NSUN2: variants seen among roughly 807,000 people sequenced by gnomAD.
NSUN2 encodes RNA cytosine C(5)-methyltransferase NSUN2.
Under a neutral mutation model 92.7 loss-of-function variants are expected in NSUN2, and 63 were observed. The observed-to-expected ratio is 0.68, with a 90% CI of 0.56 to 0.84. NSUN2 has a LOEUF of 0.84. NSUN2 is among the 40% of genes least tolerant of loss of function. The pLI is 0.00. For missense variants in NSUN2, 989 were observed against 964.9 expected, an observed-to-expected ratio of 1.02 and a Z score of -0.33; for synonymous variants, 356 against 348.3, an observed-to-expected ratio of 1.02 and a Z score of -0.25.
At chr5:6,602,903 T>C (rs139691272) in intron 17 of NSUN2, among the ~76,000 whole-genome samples, 16 of 152,354 alleles carry the variant, frequency 1.1e-4, no homozygotes, top group South Asian at 2.1e-4. Flanking sequence ...ATCATCTAAG[T>C]GCAGGATTAA....
chr5:6,625,633 A>T lies in NSUN2; in HGVS notation c.396T>A (p.Ser132Arg). 1.2e-6 allele frequency: 2 copies of T among 1,614,216 alleles called. No homozygotes were observed. The highest frequency in any genetic ancestry group is 1.7e-6 in the Non-Finnish European group (2 of 1,180,022). Reference protein sequence around the residue: ...PEELAWHTNLSRKILRKSPHL... With the variant: ...PEELAWHTNLRRKILRKSPHL... Reference sequence around the variant, plus strand: ...GTGGCGATTTTCTCAAGATTTTTCGACTTAAATTTGTGTGCCAGGCAAGTT... The same window carrying T: ...GTGGCGATTTTCTCAAGATTTTTCGTCTTAAATTTGTGTGCCAGGCAAGTT... The change falls in exon 4 of 19, where the codon AGT (serine) becomes AGA (arginine). Residue 132 changes from serine to arginine, a missense_variant. Transcript: ENST00000264670.
At chr5:6,607,816 G>C (rs1253025283) in intron 12 of NSUN2, among the ~76,000 whole-genome samples, 1 of 152,034 alleles carries the variant, frequency 6.6e-6, no homozygotes, top group Non-Finnish European at 1.5e-5. Flanking sequence ...ATTGTTCTTG[G>C]GCACCTGGAC....
intron 12 of NSUN2, 152 bp downstream of exon 12, chr5:6,609,674 T>C: frequency 1.6e-6 from 1 of 608,354 alleles, no homozygotes; most frequent in Non-Finnish European, 2.9e-6. Context: ...ACTTGATATT[T>C]AAATGAAATT....
intron 17 of NSUN2, among the ~76,000 whole-genome samples, chr5:6,603,275 CAAT>C (rs1437885764): frequency 6.6e-6 from 1 of 152,182 alleles, no homozygotes; most frequent in Non-Finnish European, 1.5e-5. Context: ...GCAATATGAC[CAAT>C]AATCTACTCC....
intron 14 of NSUN2, among the ~76,000 whole-genome samples, chr5:6,606,163 T>A (rs377610530): frequency 2.6e-5 from 4 of 152,242 alleles, no homozygotes; most frequent in Non-Finnish European, 5.9e-5. Context: ...CCCTCACCCA[T>A]GCTGCTCTTC....
chr5:6,610,836 C>G, intron 11 of NSUN2, 119 bp downstream of exon 11: 3 of 1,257,532 alleles, frequency 2.4e-6, no homozygotes, highest in Non-Finnish European at 3.3e-6. Context: ...CTGGCATAAC[C>G]CAAGCCTCAC....
At position 6,632,702 on chromosome 5, in the gene NSUN2, A is replaced by T. The variant is rs1293190085; in HGVS notation, c.151T>A (p.Tyr51Asn). ...IVKENKLFEH[Y>N]YQELKIVPEG... ...GGCACGATCTTGAGCTCCTGGTAGT[A>T]GTGCTCGAACAGCTTGTTCTCCTTG... The change falls in exon 2 of 19, where the codon TAC (tyrosine) becomes AAC (asparagine). Residue 51 changes from tyrosine to asparagine, a missense_variant. By Grantham distance (143) the Tyr-to-Asn change is moderately radical. Around this residue, in one of 3 missense-constraint regions of NSUN2, gnomAD observed 356 missense variants for 338.6 expected, o/e 1.05. Coordinates refer to ENST00000264670, the MANE Select transcript of NSUN2 (RefSeq NM_017755.6). The T allele has an allele frequency of 6.2e-7, 1 of 1,614,102 alleles. No individual in the cohort carries two copies. The highest frequency in any genetic ancestry group is 2.2e-5 in the East Asian group (1 of 44,848).
chr5:6,624,284 C>G (rs1737567893), intron 4 of NSUN2, among the ~76,000 whole-genome samples: 1 of 152,206 alleles, frequency 6.6e-6, no homozygotes, highest in Admixed American at 6.5e-5. Flanking sequence ...GACATCCCGG[C>G]AGACAGTAAC....
Position 6,605,359 on chromosome 5 carries a change from G to A in NSUN2, c.1651C>T (p.Arg551Trp), listed in dbSNP as rs756554610. The part of the protein sequence containing the change: ...PSFPRMNLLT[R>W]TTEGKKRQLY... ...TGCCTTTTCTTCCCTTCTGTAGTCC[G>A]AGTTAACAAATTCATCCTTGGGAAT... Residue 551 changes from arginine to tryptophan, a missense_variant, in exon 15 of 19, where the codon CGG (arginine) becomes TGG (tryptophan). Physicochemically the swap from Arg to Trp is moderately radical, Grantham distance 101. Coordinates refer to ENST00000264670, the MANE Select transcript of NSUN2 (RefSeq NM_017755.6). 16 of 1,614,006 alleles carry A rather than the reference G, an allele frequency of 9.9e-6. No homozygotes were observed. Among genetic ancestry groups the A allele is most frequent in the Non-Finnish European group, 1.2e-5 (14 of 1,180,014 alleles).
intron 3 of NSUN2, among the ~76,000 whole-genome samples, chr5:6,628,827 G>C (rs1245632187): frequency 6.6e-6 from 1 of 152,160 alleles, no homozygotes; most frequent in Non-Finnish European, 1.5e-5. Flanking sequence ...AAGATTGCTT[G>C]AGCCCTGGAA....
At chr5:6,632,124 G>A (rs1281663508) in intron 2 of NSUN2, 147 bp from the exon 3 acceptor site, 2 of 644,150 alleles carry the variant, frequency 3.1e-6, no homozygotes, top group Non-Finnish European at 5.4e-6. Context: ...CTTTTACACT[G>A]TATGCCTTCA....
At chr5:6,610,027 C>T (rs1161600783) in intron 11 of NSUN2, 105 bp from the exon 12 acceptor site, 9 of 770,186 alleles carry the variant, frequency 1.2e-5, no homozygotes, top group East Asian at 8.8e-5. Flanking sequence ...ATCATGTCTT[C>T]GACCCTCACT....
chr5:6,632,835 G>T, intron 1 of NSUN2, 49 bp downstream of exon 1: 1 of 1,551,756 alleles, frequency 6.4e-7, no homozygotes, highest in Non-Finnish European at 8.7e-7. Context: ...TCGGGGTCCG[G>T]GAAGCCCAGG....
In NSUN2 at chr5:6,611,063, C is replaced by T; in HGVS notation, c.1118G>A (p.Trp373Ter). The change falls in exon 11 of 19, where the codon TGG becomes TAG. Residue 373 changes from tryptophan to a stop codon, truncating the protein, a stop_gained. Coordinates refer to ENST00000264670, the MANE Select transcript of NSUN2 (RefSeq NM_017755.6). LOFTEE classifies it high-confidence loss of function. ...QWKVMTKDGQ[W>*]FTDWDAVPHS... ...AGGAACAGCGTCCCAGTCTGTAAAC[C>T]ACTGCCCATCTTTCGTCATTACCTG... The T allele has an allele frequency of 6.2e-7, 1 of 1,614,148 alleles. No homozygotes were observed. The highest frequency in any genetic ancestry group is 1.1e-5 in the South Asian group (1 of 91,072).
chr5:6,617,994 A>G lies in NSUN2; in HGVS notation c.846T>C (p.Asp282=), dbSNP rs745588270. 16 of 1,613,736 alleles carry G rather than the reference A, an allele frequency of 9.9e-6. No homozygotes were observed. Among genetic ancestry groups the G allele is most frequent in the Non-Finnish European group, 1.3e-5 (15 of 1,179,848 alleles). Residue 282 remains aspartate, a synonymous_variant, in exon 8 of 19, where the codon GAT becomes GAC. Coordinates refer to ENST00000264670, the MANE Select transcript of NSUN2 (RefSeq NM_017755.6). The stretch of plus-strand genomic sequence containing the variant: ...TTAAGGTGGTCCACTTTTTCCAAAC[A>G]TCAATGTTTTTTCTCATAGTGCCGT... ...SGDGTMRKNI[D]VWKKWTTLNS...
chr5:6,605,039 C>T (rs1245979901), intron 15 of NSUN2: 5 of 614,690 alleles, frequency 8.1e-6, no homozygotes, highest in African/African-American at 3.7e-5. Context: ...CACCCCCCTG[C>T]GGGAATGGGG....
intron 11 of NSUN2, among the ~76,000 whole-genome samples, chr5:6,610,371 C>A (rs1457504582): frequency 6.6e-6 from 1 of 152,032 alleles, no homozygotes; most frequent in Non-Finnish European, 1.5e-5. Context: ...GGCCACTGCA[C>A]CTGGCCCACT....
At chr5:6,625,201 G>C (rs942957263) in intron 4 of NSUN2, among the ~76,000 whole-genome samples, 2 of 151,876 alleles carry the variant, frequency 1.3e-5, no homozygotes, top group Non-Finnish European at 2.9e-5. Context: ...TCCCTACCAA[G>C]ATGGCCTTAA....
At chr5:6,611,154 A>C (rs1353127743) in intron 10 of NSUN2, 69 bp from the exon 11 acceptor site, 1 of 1,551,642 alleles carries the variant, frequency 6.4e-7, no homozygotes, top group Non-Finnish European at 8.8e-7. Flanking sequence ...ACAGGGCAGG[A>C]GTATCCATTC....
Sources: gnomAD v4.1 joint callset for allele counts (sites outside exome capture counted in the v4.1 genomes callset) on GRCh38, gnomAD v4.1.1 for gene constraint, gnomAD v4.1.1 regional missense constraint, MANE v1.5 for transcripts, NCBI Gene and HGNC (gene_info 2026-07-23, HGNC 2026-07-21) for gene names.